CLYBL: variants seen among roughly 807,000 people sequenced by gnomAD.
The protein encoded by CLYBL is citramalyl-CoA lyase.
CLYBL carries 31 observed loss-of-function variants against 38.9 expected under a neutral mutation model. The observed-to-expected ratio is 0.80, with a 90% CI of 0.60 to 1.08. The LOEUF (loss-of-function observed/expected upper bound fraction) is 1.08. CLYBL is among the 50% of genes least tolerant of loss of function. The pLI is 0.00. For missense variants in CLYBL, 434 were observed against 411.6 expected (o/e 1.05, Z -0.47); for synonymous variants, 171 against 158.6 (o/e 1.08, Z -0.59).
intron 1 of CLYBL, among the ~76,000 whole-genome samples, chr13:99,707,449 T>A (rs571068952): frequency 2.0e-5 from 3 of 152,138 alleles, no homozygotes; most frequent in Non-Finnish European, 4.4e-5. Context: ...TTTTTGTGTG[T>A]CTTTAGTAGA....
At chr13:99,668,208 A>ACTG (rs2047510996) in intron 1 of CLYBL, among the ~76,000 whole-genome samples, 2 of 151,858 alleles carry the variant, frequency 1.3e-5, no homozygotes, top group Admixed American at 1.3e-4. Flanking sequence ...CAGGAGGCAG[A>ACTG]GGTTGCAGTG....
At chr13:99,675,251 A>C (rs143933965) in intron 1 of CLYBL, among the ~76,000 whole-genome samples, 1 of 152,210 alleles carries the variant, frequency 6.6e-6, no homozygotes, top group Non-Finnish European at 1.5e-5. Context: ...TGTCACATAC[A>C]TAAAGGGGAC....
intron 1 of CLYBL, among the ~76,000 whole-genome samples, chr13:99,719,653 C>T (rs891739105): frequency 2.0e-5 from 3 of 151,768 alleles, no homozygotes; most frequent in Admixed American, 2.0e-4. Flanking sequence ...ATTACAGGTG[C>T]CCGCCACCAC....
intron 1 of CLYBL, among the ~76,000 whole-genome samples, chr13:99,691,605 CA>C (rs901748975): frequency 3.5e-5 from 5 of 143,790 alleles, no homozygotes; most frequent in African/African-American, 1.0e-4. Context: ...AACCAAAAAA[CA>C]AAAAACAAAA....
intron 1 of CLYBL, among the ~76,000 whole-genome samples, chr13:99,696,078 G>C (rs558192665): frequency 7.1e-4 from 108 of 152,296 alleles, no homozygotes; most frequent in African/African-American, 2.5e-3. Context: ...CCTTGAGTCA[G>C]AGAGGCCACT....
intron 1 of CLYBL, among the ~76,000 whole-genome samples, chr13:99,666,231 G>A (rs1347321138): frequency 6.6e-6 from 1 of 152,170 alleles, no homozygotes; most frequent in African/African-American, 2.4e-5. Flanking sequence ...GGGAGGGCGT[G>A]GTGCAGGGAG....
At chr13:99,871,997 AAAAAAAAAAG>A (rs1218871099) in intron 7 of CLYBL, among the ~76,000 whole-genome samples, 4 of 141,922 alleles carry the variant, frequency 2.8e-5, no homozygotes, top group Non-Finnish European at 6.1e-5. Flanking sequence ...CTGCAAAAAA[AAAAAAAAAAG>A]AAAAAGAAAA....
rs1028712 is a variant in CLYBL, at chr13:99,831,159, C to T, written c.250-27702C>T. On this transcript the variant is annotated intron_variant, in intron 2 of 8. Transcript: ENST00000339105. ...GGAGCTGCAGGAGGCAAGGAGGATCCGCTAGAGAGGGACTGCGCCCTGCAC... is the reference window on the plus strand; with the variant it reads ...GGAGCTGCAGGAGGCAAGGAGGATCTGCTAGAGAGGGACTGCGCCCTGCAC... Among the ~76,000 whole-genome samples, 26 of 152,264 alleles carry T rather than the reference C, an allele frequency of 1.7e-4. No individual in the cohort carries two copies. In the East Asian group the frequency reaches 4.2e-3, roughly 25 times the overall value.
intron 1 of CLYBL, among the ~76,000 whole-genome samples, chr13:99,632,089 T>G (rs1566593681): frequency 6.6e-6 from 1 of 152,106 alleles, no homozygotes; most frequent in Admixed American, 6.5e-5. Context: ...TGTATTGCGA[T>G]GTTAGAGGGC....
chr13:99,686,617 G>A (rs1359365461), intron 1 of CLYBL, among the ~76,000 whole-genome samples: 2 of 152,188 alleles, frequency 1.3e-5, no homozygotes, highest in Non-Finnish European at 1.5e-5. Flanking sequence ...AATTTACTAA[G>A]CAGTACTAAA....
chr13:99,860,970 A>T (rs578156799), intron 3 of CLYBL, among the ~76,000 whole-genome samples: 16 of 152,334 alleles, frequency 1.1e-4, no homozygotes, highest in African/African-American at 3.4e-4. Flanking sequence ...AATCCCGAAC[A>T]GTGTGCATTC....
intron 8 of CLYBL, among the ~76,000 whole-genome samples, chr13:99,905,253 CT>C (rs1199848388): frequency 3.3e-5 from 5 of 151,524 alleles, no homozygotes; most frequent in African/African-American, 9.7e-5. Context: ...ACCTGTTTTT[CT>C]TTTTTTTTAA....
intron 1 of CLYBL, chr13:99,689,988 T>A (rs2047875733): frequency 6.6e-6 from 1 of 152,242 alleles, no homozygotes; most frequent in South Asian, 2.1e-4. Flanking sequence ...ATAGGTTACA[T>A]CCTCTGAGCA....
At chr13:99,846,286 ATTTTTT>A (rs5806139) in intron 2 of CLYBL, among the ~76,000 whole-genome samples, 7,209 of 108,156 alleles carry the variant, frequency 0.067, 419 homozygotes, top group African/African-American at 0.17. Context: ...TTGTGTGGAG[ATTTTTT>A]TTTTTTTTTT....
chr13:99,819,361 C>A (rs2050526686), intron 2 of CLYBL, among the ~76,000 whole-genome samples: 1 of 139,910 alleles, frequency 7.1e-6, no homozygotes, highest in Non-Finnish European at 1.5e-5. Context: ...AATTAATAGA[C>A]CCTCAGTCAC....
intron 2 of CLYBL, among the ~76,000 whole-genome samples, chr13:99,780,221 TG>T (rs1256071594): frequency 2.0e-5 from 3 of 152,208 alleles, no homozygotes. Context: ...GCATTTTGCT[TG>T]AATGTTTATG....
intron 1 of CLYBL, among the ~76,000 whole-genome samples, chr13:99,644,395 T>A (rs2047146724): frequency 1.3e-5 from 2 of 152,246 alleles, no homozygotes; most frequent in South Asian, 4.1e-4. Flanking sequence ...GTACATAGTG[T>A]ATATATTTAT....
At chr13:99,765,397 T>G (rs912829590) in intron 1 of CLYBL, among the ~76,000 whole-genome samples, 1 of 152,192 alleles carries the variant, frequency 6.6e-6, no homozygotes, top group Admixed American at 6.5e-5. Context: ...GTAGTCTTAT[T>G]TGGGTCAAAT....
At chr13:99,702,644 A>C (rs929446470) in intron 1 of CLYBL, among the ~76,000 whole-genome samples, 6 of 152,118 alleles carry the variant, frequency 3.9e-5, no homozygotes, top group Admixed American at 1.3e-4. Flanking sequence ...AAAAAAAAAA[A>C]AAAAAACCTA....
Sources: gnomAD v4.1 joint callset for allele counts (sites outside exome capture counted in the v4.1 genomes callset) on GRCh38, gnomAD v4.1.1 for gene constraint, MANE v1.5 for transcripts, NCBI Gene and HGNC (gene_info 2026-07-23, HGNC 2026-07-21) for gene names.